The following FAM184B variants were observed in gnomAD, a reference collection of about 807,000 sequenced individuals.
The protein encoded by FAM184B is protein FAM184B.
Under a neutral mutation model 135.9 loss-of-function variants are expected in FAM184B, and 111 were observed. That is an observed-to-expected ratio of 0.82 (90% confidence interval 0.70 to 0.96). The LOEUF is 0.96. Among genes scored for constraint, FAM184B ranks in the 40% least tolerant of loss-of-function variants. The probability of loss-of-function intolerance (pLI) is 0.00; values close to 1 mark genes in which losing one functional copy is unlikely to be tolerated. For synonymous variants in FAM184B, 552 were observed against 524.8 expected (o/e 1.05, Z -0.71); for missense variants, 1,375 against 1,323.9 (o/e 1.04, Z -0.60).
At chr4:17,676,972 A>G (rs887871980) in intron 7 of FAM184B, among the ~76,000 whole-genome samples, 2 of 152,226 alleles carry the variant, frequency 1.3e-5, no homozygotes, top group Non-Finnish European at 2.9e-5. Flanking sequence ...CTCAGAATGT[A>G]TCATCGTCAT....
intron 1 of FAM184B, among the ~76,000 whole-genome samples, chr4:17,752,918 A>G (rs1329500861): frequency 6.6e-6 from 1 of 152,184 alleles, no homozygotes; most frequent in East Asian, 1.9e-4. Flanking sequence ...TTGACACCCA[A>G]GTTTCTCTCT....
intron 7 of FAM184B, among the ~76,000 whole-genome samples, chr4:17,676,809 TGTACA>T (rs72231263): frequency 0.96 from 145,344 of 152,034 alleles, 69,773 homozygotes; most frequent in East Asian, 1. Flanking sequence ...CCATATATTT[TGTACA>T]GTACAGTAAT....
chr4:17,709,326 G>GCTC lies in FAM184B; in HGVS notation c.457_459dup (p.Glu153dup). ...AGCCTCCTCTCGTAGTCAGCCTTGA[G>GCTC]CTCCAGCATTTCCCTGGAGAGCGTG... On this transcript the variant is annotated inframe_insertion, in exon 2 of 18. Transcript: ENST00000265018. The GCTC allele has an allele frequency of 6.5e-7, 1 of 1,550,196 alleles. No homozygotes were observed. The highest frequency in any genetic ancestry group is 2.4e-5 in the East Asian group (1 of 40,884).
intron 1 of FAM184B, among the ~76,000 whole-genome samples, chr4:17,776,001 AAAAT>A (rs1718918017): frequency 6.6e-6 from 1 of 152,194 alleles, no homozygotes; most frequent in African/African-American, 2.4e-5. Flanking sequence ...ATATAAATTA[AAAAT>A]AAATACGTAT....
intron 1 of FAM184B, among the ~76,000 whole-genome samples, chr4:17,765,403 T>C (rs1718646024): frequency 6.6e-6 from 1 of 152,088 alleles, no homozygotes; most frequent in African/African-American, 2.4e-5. Flanking sequence ...ATATTGATTA[T>C]AATATTGATT....
At position 17,693,243 on chromosome 4, in the gene FAM184B, G is replaced by A. The variant is rs1716775427; in HGVS notation, c.1488+59C>T. ...CCAAAATTCTTGGCTTCTCAGTTAGGTAGAAGCTCCCAGGGACCAGAAACA... is the reference window on the plus strand; with the variant it reads ...CCAAAATTCTTGGCTTCTCAGTTAGATAGAAGCTCCCAGGGACCAGAAACA... On this transcript the variant is annotated intron_variant, in intron 6 of 17. Coordinates refer to ENST00000265018, the MANE Select transcript of FAM184B (RefSeq NM_015688.2). 69 of 1,337,304 alleles carry A rather than the reference G, an allele frequency of 5.2e-5. No homozygotes were observed. The South Asian group carries it at 6.7e-4, about 13-fold the overall frequency. 82.8% of individuals were successfully genotyped at this position (1,337,304 alleles called of 1,614,324 possible). A position where few individuals can be genotyped will look rare whatever the true frequency, so the allele number is the denominator to read the frequency against.
At chr4:17,754,246 A>G (rs565107461) in intron 1 of FAM184B, among the ~76,000 whole-genome samples, 47 of 152,174 alleles carry the variant, frequency 3.1e-4, no homozygotes, top group African/African-American at 1.1e-3. Flanking sequence ...CATTTAGGAA[A>G]AAACTTAAGA....
At chr4:17,636,117 T>G (rs1715126361) in intron 15 of FAM184B, among the ~76,000 whole-genome samples, 1 of 151,302 alleles carries the variant, frequency 6.6e-6, no homozygotes, top group Non-Finnish European at 1.5e-5. Flanking sequence ...AAGAAAGGAG[T>G]TTTTCTTTGA....
intron 1 of FAM184B, among the ~76,000 whole-genome samples, chr4:17,770,586 C>G (rs1012251770): frequency 3.9e-5 from 6 of 152,110 alleles, no homozygotes; most frequent in Non-Finnish European, 5.9e-5. Context: ...GCCTCAGTCT[C>G]CCGAGTAGCT....
At chr4:17,753,794 C>G (rs569215171) in intron 1 of FAM184B, among the ~76,000 whole-genome samples, 5 of 152,102 alleles carry the variant, frequency 3.3e-5, no homozygotes, top group Admixed American at 1.3e-4. Flanking sequence ...TAAGAGAGGG[C>G]GATCTCTGCA....
rs374104756 is a variant in FAM184B, at chr4:17,633,793, C to G, written c.2985G>C (p.Arg995Ser). 10 of 1,551,592 alleles carry G rather than the reference C, an allele frequency of 6.4e-6. No homozygotes were observed. In the East Asian group the frequency reaches 2.4e-4, roughly 38 times the overall value. ...KNFLSGDLSS[R>S]INAPPITTSP... ...ATGTAGTTATTGGAGGGGCATTAAT[C>G]CTGGAACTCAGATCGCCACTCAGAA... Residue 995 changes from arginine (R) to serine (S), a missense_variant, in exon 17 of 18, where the codon AGG becomes AGC. Arg to Ser is a moderately radical substitution (Grantham distance 110). Transcript: ENST00000265018.
At chr4:17,650,921 T>TG (rs760275923) in intron 11 of FAM184B, among the ~76,000 whole-genome samples, 1 of 151,790 alleles carries the variant, frequency 6.6e-6, no homozygotes, top group Non-Finnish European at 1.5e-5. Context: ...TTTAAAGAGA[T>TG]GGGGGTCTTG....
At chr4:17,747,629 T>C (rs1240736778) in intron 1 of FAM184B, among the ~76,000 whole-genome samples, 1 of 151,664 alleles carries the variant, frequency 6.6e-6, no homozygotes, top group African/African-American at 2.4e-5. Flanking sequence ...CCGCCTCTAT[T>C]AAAAATTCAA....
At chr4:17,772,955 C>T (rs1267255933) in intron 1 of FAM184B, among the ~76,000 whole-genome samples, 2 of 152,170 alleles carry the variant, frequency 1.3e-5, no homozygotes, top group African/African-American at 2.4e-5. Flanking sequence ...CTGCTCCAAA[C>T]CTCACTAATT....
chr4:17,729,188 C>T (rs772002715), intron 1 of FAM184B, among the ~76,000 whole-genome samples: 52 of 152,160 alleles, frequency 3.4e-4, no homozygotes, highest in Non-Finnish European at 5.9e-4. Flanking sequence ...AAGGTGGCAG[C>T]AATGCTGGGG....
At chr4:17,688,680 CTTTT>C (rs34337003) in intron 6 of FAM184B, 149 bp from the exon 7 acceptor site, 258 of 117,732 alleles carry the variant, frequency 2.2e-3, no homozygotes, top group South Asian at 0.01. Flanking sequence ...CTAGAAATGC[CTTTT>C]TTTTTTTTTT....
intron 1 of FAM184B, among the ~76,000 whole-genome samples, chr4:17,737,038 G>A (rs989634054): frequency 6.6e-6 from 1 of 152,026 alleles, no homozygotes; most frequent in Admixed American, 6.6e-5. Context: ...CCAGCTACTC[G>A]GGAAGCTGAG....
intron 3 of FAM184B, among the ~76,000 whole-genome samples, chr4:17,707,132 T>C (rs1416402860): frequency 6.6e-6 from 1 of 152,068 alleles, no homozygotes; most frequent in East Asian, 1.9e-4. Flanking sequence ...AGATGGAGTC[T>C]CACTATGTTG....
At chr4:17,677,645 G>A (rs1263306480) in intron 7 of FAM184B, among the ~76,000 whole-genome samples, 2 of 152,154 alleles carry the variant, frequency 1.3e-5, no homozygotes, top group South Asian at 2.1e-4. Flanking sequence ...GATAGAGAAA[G>A]AGGGAACCCT....
Sources: gnomAD v4.1 joint callset for allele counts (sites outside exome capture counted in the v4.1 genomes callset) on GRCh38, gnomAD v4.1.1 for gene constraint, MANE v1.5 for transcripts, NCBI Gene and HGNC (gene_info 2026-07-23, HGNC 2026-07-21) for gene names.